INTS15: variants seen among roughly 807,000 people sequenced by gnomAD.
INTS15 encodes uncharacterized protein C7orf26.
the INTS15 span, chr7:6,590,255 C>T: frequency 2.0e-6 from 3 of 1,479,420 alleles, no homozygotes; most frequent in Non-Finnish European, 2.7e-6. Context: ...GTGAGACGCG[C>T]TCGGCGCGGG....
At chr7:6,600,383 C>G in the INTS15 span, 1 of 1,593,016 alleles carries the variant, frequency 6.3e-7, no homozygotes, top group Admixed American at 1.7e-5. Flanking sequence ...CCCAGGCCTC[C>G]TGGTGCGGGG....
the INTS15 span, among the ~76,000 whole-genome samples, chr7:6,597,157 G>T: frequency 5.9e-5 from 9 of 152,174 alleles, no homozygotes; most frequent in Admixed American, 2.6e-4. Context: ...GCAGGGCCAC[G>T]CTGCTGCAGT....
At chr7:6,606,392 C>T in the INTS15 span, among the ~76,000 whole-genome samples, 1 of 152,262 alleles carries the variant, frequency 6.6e-6, no homozygotes, top group African/African-American at 2.4e-5. Flanking sequence ...AGACAGAGAG[C>T]AGGCAGGGCC....
the INTS15 span, among the ~76,000 whole-genome samples, chr7:6,607,376 G>T: frequency 6.6e-6 from 1 of 150,916 alleles, no homozygotes; most frequent in Non-Finnish European, 1.5e-5. The surrounding 1 kb of genome is among the most constrained non-coding windows in gnomAD (Gnocchi z 6.0). Context: ...GAGCCCCGGT[G>T]CTGGGTGCTG....
chr7:6,591,932 G>C, the INTS15 span: 5 of 1,490,870 alleles, frequency 3.4e-6, no homozygotes, highest in South Asian at 5.7e-5. Context: ...AGCACTTTGG[G>C]AAGCTGAGGT....
chr7:6,604,535 G>T, the INTS15 span, among the ~76,000 whole-genome samples: 1 of 152,150 alleles, frequency 6.6e-6, no homozygotes, highest in Non-Finnish European at 1.5e-5. Flanking sequence ...TTAGCAAGGA[G>T]AAGCAGGCTT....
At chr7:6,606,983 G>A in the INTS15 span, among the ~76,000 whole-genome samples, 1 of 152,136 alleles carries the variant, frequency 6.6e-6, no homozygotes, top group Non-Finnish European at 1.5e-5. Flanking sequence ...ACAGGCGTGA[G>A]CCACCAGACC....
the INTS15 span, chr7:6,602,280 G>A: frequency 1.1e-5 from 7 of 637,492 alleles, no homozygotes; most frequent in Middle Eastern, 4.2e-4. Flanking sequence ...ATCAGAAAAC[G>A]CACGTGAATG....
At chr7:6,606,765 C>CATG in the INTS15 span, among the ~76,000 whole-genome samples, 2 of 149,152 alleles carry the variant, frequency 1.3e-5, no homozygotes, top group Non-Finnish European at 3.0e-5. Flanking sequence ...GTGGCACAAT[C>CATG]ATGGCTCATG....
At chr7:6,600,327 T>C in the INTS15 span, 7 of 1,613,446 alleles carry the variant, frequency 4.3e-6, no homozygotes, top group African/African-American at 2.7e-5. Flanking sequence ...CAGGTGGCCA[T>C]GGCCTCAGGA....
chr7:6,594,477 G>A, the INTS15 span: 1 of 1,614,112 alleles, frequency 6.2e-7, no homozygotes, highest in African/African-American at 1.3e-5. Context: ...CAAGGCCCTT[G>A]TAGATGACTA....
the INTS15 span, chr7:6,607,790 T>C: frequency 3.4e-6 from 5 of 1,484,126 alleles, no homozygotes; most frequent in Admixed American, 6.6e-5. This position sits in a 1 kb window ranked among gnomAD's most constrained non-coding sequence, Gnocchi z 6.0. Flanking sequence ...GCCTGTGGGG[T>C]CCTGGCTCTG....
the INTS15 span, chr7:6,607,940 G>T: frequency 6.3e-7 from 1 of 1,598,134 alleles, no homozygotes. The surrounding 1 kb of genome is among the most constrained non-coding windows in gnomAD (Gnocchi z 6.0). Flanking sequence ...CCGCGCTGAC[G>T]CTTATGCTTG....
chr7:6,607,992 A>T, the INTS15 span: 2 of 1,600,264 alleles, frequency 1.2e-6, no homozygotes. The surrounding 1 kb of genome is among the most constrained non-coding windows in gnomAD (Gnocchi z 6.0). Context: ...GGTCCCGTGC[A>T]GCAGTCGCCT....
chr7:6,608,112 G>A, the INTS15 span: 1 of 1,312,248 alleles, frequency 7.6e-7, no homozygotes, highest in Non-Finnish European at 1.0e-6. Context: ...ACGCATCCCG[G>A]CCACACCTTC....
At chr7:6,608,414 C>G in the INTS15 span, 1 of 1,372,570 alleles carries the variant, frequency 7.3e-7, no homozygotes, top group Non-Finnish European at 9.4e-7. Flanking sequence ...GATGCCGATC[C>G]TGGGAGCCTC....
the INTS15 span, among the ~76,000 whole-genome samples, chr7:6,591,472 G>A: frequency 6.6e-6 from 1 of 151,388 alleles, no homozygotes; most frequent in Admixed American, 6.6e-5. Flanking sequence ...CACCATGTTG[G>A]CCAGGCTGGT....
At chr7:6,593,299 G>GGTGGTGGGACAAATTTGGTCTGTGC in the INTS15 span, among the ~76,000 whole-genome samples, 1 of 151,854 alleles carries the variant, frequency 6.6e-6, no homozygotes, top group Non-Finnish European at 1.5e-5. Context: ...AACAAAAACG[G>GGTGGTGGGACAAATTTGGTCTGTGC]GTGGTGGGAC....
At chr7:6,594,133 C>T in the INTS15 span, among the ~76,000 whole-genome samples, 15 of 149,352 alleles carry the variant, frequency 1.0e-4, no homozygotes, top group Admixed American at 3.4e-4. Flanking sequence ...CTCAGCCTTC[C>T]AAGTAGCTGG....
Sources: allele counts gnomAD v4.1 joint callset (sites outside exome capture counted in the v4.1 genomes callset), GRCh38; gene constraint gnomAD v4.1.1; non-coding constraint Gnocchi (gnomAD v3.1); transcripts MANE v1.5; gene names NCBI Gene and HGNC (gene_info 2026-07-23, HGNC 2026-07-21).